The following SAMD12 variants were observed in gnomAD, a reference collection of about 807,000 sequenced individuals.
SAMD12 encodes sterile alpha motif domain-containing protein 12.
Under a neutral mutation model 15.0 loss-of-function variants are expected in SAMD12, and 9 were observed. The ratio of observed to expected loss-of-function variants is 0.60; its 90% confidence interval spans 0.36 to 1.05. SAMD12 has a LOEUF of 1.05. SAMD12 is among the 50% of genes least tolerant of loss of function. SAMD12 has a pLI of 0.01. For missense variants in SAMD12, 230 were observed against 234.2 expected (o/e 0.98, Z 0.12); for synonymous variants, 86 against 90.1 (o/e 0.96, Z 0.25).
At chr8:118,489,812 T>A (rs552732530) in intron 2 of SAMD12, among the ~76,000 whole-genome samples, 1 of 152,330 alleles carries the variant, frequency 6.6e-6, no homozygotes, top group South Asian at 2.1e-4. Flanking sequence ...TTTCCTTTTG[T>A]TTAATACACC....
At chr8:118,372,422 ATTT>A (rs148584581) in intron 4 of SAMD12, among the ~76,000 whole-genome samples, 15 of 138,900 alleles carry the variant, frequency 1.1e-4, no homozygotes, top group Admixed American at 3.7e-4. Context: ...AAGATGCAGT[ATTT>A]TTTTTTTTTT....
At chr8:118,406,664 A>G (rs981537655) in intron 3 of SAMD12, among the ~76,000 whole-genome samples, 1 of 152,126 alleles carries the variant, frequency 6.6e-6, no homozygotes, top group East Asian at 1.9e-4. Context: ...CATGTTGCAA[A>G]GCTGAAACTC....
intron 4 of SAMD12, among the ~76,000 whole-genome samples, chr8:118,349,977 A>G (rs1352572976): frequency 6.6e-6 from 1 of 151,898 alleles, no homozygotes; most frequent in Non-Finnish European, 1.5e-5. Context: ...AAAATTGAAA[A>G]GCTAGCCAGC....
At chr8:118,468,275 G>A (rs1823655365) in intron 2 of SAMD12, among the ~76,000 whole-genome samples, 1 of 152,096 alleles carries the variant, frequency 6.6e-6, no homozygotes, top group African/African-American at 2.4e-5. Flanking sequence ...TCACCAGGTG[G>A]TAACATGAAC....
intron 3 of SAMD12, among the ~76,000 whole-genome samples, chr8:118,393,235 G>T (rs935394581): frequency 4.0e-5 from 5 of 123,852 alleles, no homozygotes; most frequent in African/African-American, 1.6e-4. Flanking sequence ...CTTTTCGAGA[G>T]AAGGTCTTGC....
At position 118,276,241 on chromosome 8, in the gene SAMD12, G is replaced by A. The variant is rs575651986; in HGVS notation, c.434-78509C>T. The stretch of plus-strand genomic sequence containing the variant: ...ATTTCCTACTATATTTTAGAATTGT[G>A]CATTTCTGTATATGTTGTAATTTTG... On this transcript the variant is annotated intron_variant, in intron 4 of 4. Coordinates refer to the SAMD12 transcript ENST00000409003. Among the ~76,000 whole-genome samples the A allele has an allele frequency of 2.0e-5, 3 of 152,238 alleles. No individual in the cohort carries two copies. In the East Asian group the frequency reaches 5.8e-4, roughly 29 times the overall value.
intron 1 of SAMD12, among the ~76,000 whole-genome samples, chr8:118,612,287 T>G (rs1480715641): frequency 6.6e-6 from 1 of 152,240 alleles, no homozygotes; most frequent in African/African-American, 2.4e-5. Context: ...CTGATTGTTT[T>G]TCTACAACAG....
intron 4 of SAMD12, among the ~76,000 whole-genome samples, chr8:118,355,648 C>G (rs1818193643): frequency 6.6e-6 from 1 of 152,178 alleles, no homozygotes; most frequent in South Asian, 2.1e-4. Flanking sequence ...AAAATCCTCT[C>G]TATCCTGTAA....
chr8:118,146,552 G>A, the SAMD12 span, among the ~76,000 whole-genome samples: 2 of 152,186 alleles, frequency 1.3e-5, no homozygotes, highest in South Asian at 4.1e-4. Flanking sequence ...ACACAGCTAT[G>A]TTGCCTATGA....
At chr8:118,258,495 C>T (rs1317200209) in intron 4 of SAMD12, among the ~76,000 whole-genome samples, 1 of 152,092 alleles carries the variant, frequency 6.6e-6, no homozygotes, top group Non-Finnish European at 1.5e-5. Context: ...TGGCACCATG[C>T]CACTATGTTA....
chr8:118,569,040 G>A (rs1217443856), intron 2 of SAMD12, among the ~76,000 whole-genome samples: 1 of 152,118 alleles, frequency 6.6e-6, no homozygotes, highest in Non-Finnish European at 1.5e-5. Flanking sequence ...GTTTTATGAT[G>A]GTGATATTCA....
At chr8:118,379,849 AC>A (rs1819584385) in intron 3 of SAMD12, 149 bp from the exon 4 acceptor site, 9 of 998,112 alleles carry the variant, frequency 9.0e-6, no homozygotes, top group Non-Finnish European at 1.3e-5. Flanking sequence ...ATTATTGCTG[AC>A]ACAAATGGAT....
chr8:118,466,677 C>A (rs528208190), intron 2 of SAMD12, among the ~76,000 whole-genome samples: 1 of 152,110 alleles, frequency 6.6e-6, no homozygotes, highest in Non-Finnish European at 1.5e-5. Context: ...CTGTAACCGA[C>A]CATCCTTTAC....
chr8:118,216,737 G>A (rs983621711), intron 4 of SAMD12, among the ~76,000 whole-genome samples: 1 of 152,156 alleles, frequency 6.6e-6, no homozygotes, highest in Non-Finnish European at 1.5e-5. Flanking sequence ...TAACTGATGT[G>A]CATAATGATA....
chr8:118,338,064 G>A (rs1817172587), intron 4 of SAMD12, among the ~76,000 whole-genome samples: 2 of 152,192 alleles, frequency 1.3e-5, no homozygotes, highest in African/African-American at 4.8e-5. Context: ...ACTTAACAAT[G>A]TAGCACCTAT....
At chr8:118,249,331 T>C (rs995261103) in intron 4 of SAMD12, among the ~76,000 whole-genome samples, 5 of 152,208 alleles carry the variant, frequency 3.3e-5, no homozygotes, top group African/African-American at 1.2e-4. Flanking sequence ...CATACTTCCA[T>C]ATACTTTAAA....
intron 1 of SAMD12, among the ~76,000 whole-genome samples, chr8:118,587,213 C>T (rs554595149): frequency 6.6e-6 from 1 of 152,164 alleles, no homozygotes; most frequent in Non-Finnish European, 1.5e-5. Flanking sequence ...AGCTAAAGTT[C>T]CTGAAGGAGA....
At chr8:118,388,359 C>T (rs1820074780) in intron 3 of SAMD12, among the ~76,000 whole-genome samples, 1 of 152,170 alleles carries the variant, frequency 6.6e-6, no homozygotes, top group South Asian at 2.1e-4. Context: ...ATATAATAAG[C>T]ACTTCATTTT....
chr8:118,538,437 T>C (rs1825906481), intron 2 of SAMD12, among the ~76,000 whole-genome samples: 1 of 152,204 alleles, frequency 6.6e-6, no homozygotes, highest in African/African-American at 2.4e-5. Context: ...GCTCTGACCA[T>C]TGGGATGGGC....
Sources: allele counts gnomAD v4.1 joint callset (sites outside exome capture counted in the v4.1 genomes callset), GRCh38; gene constraint gnomAD v4.1.1; transcripts MANE v1.5; gene names NCBI Gene and HGNC (gene_info 2026-07-23, HGNC 2026-07-21).